Variants in SLC25A13 observed in about 807,000 individuals in gnomAD.
SLC25A13 encodes the protein electrogenic aspartate/glutamate antiporter SLC25A13, mitochondrial.
SLC25A13 carries 70 observed loss-of-function variants against 85.5 expected under a neutral mutation model. That is an observed-to-expected ratio of 0.82 (90% CI 0.68 to 1.00). SLC25A13 has a LOEUF of 1.00. Among genes scored for constraint, SLC25A13 ranks in the 50% least tolerant of loss-of-function variants. The pLI is 0.00. For missense variants in SLC25A13, 765 were observed against 819.8 expected, an observed-to-expected ratio of 0.93 and a Z score of 0.82; for synonymous variants, 259 against 288.7, an observed-to-expected ratio of 0.90 and a Z score of 1.04.
At chr7:96,219,752 T>A (rs771328450) in intron 4 of SLC25A13, 2 of 534,464 alleles carry the variant, frequency 3.7e-6, no homozygotes, top group South Asian at 2.8e-5. Flanking sequence ...ACCTCATTGA[T>A]AAGACTCCCT....
chr7:96,254,266 A>G (rs1462004095), intron 3 of SLC25A13, among the ~76,000 whole-genome samples: 2 of 152,148 alleles, frequency 1.3e-5, no homozygotes, highest in Non-Finnish European at 2.9e-5. Flanking sequence ...TCCTGAATAA[A>G]CCAAAAAGGT....
chr7:96,250,844 A>C (rs2116865856), intron 3 of SLC25A13, among the ~76,000 whole-genome samples: 1 of 152,210 alleles, frequency 6.6e-6, no homozygotes, highest in East Asian at 1.9e-4. Context: ...CATAGAGAGA[A>C]ATCTAAGAAT....
intron 14 of SLC25A13, among the ~76,000 whole-genome samples, chr7:96,139,630 G>A (rs1010475933): frequency 3.9e-5 from 6 of 152,254 alleles, no homozygotes; most frequent in South Asian, 2.1e-4. Context: ...AATTTTTGAT[G>A]TTGGTATATT....
chr7:96,144,302 C>G (rs1269698975), intron 14 of SLC25A13, among the ~76,000 whole-genome samples: 2 of 152,162 alleles, frequency 1.3e-5, no homozygotes, highest in Non-Finnish European at 2.9e-5. Context: ...GACCAAACCA[C>G]AGAGGTCAAC....
chr7:96,252,455 T>A (rs973925524), intron 3 of SLC25A13, among the ~76,000 whole-genome samples: 2 of 152,118 alleles, frequency 1.3e-5, no homozygotes, highest in African/African-American at 4.8e-5. Flanking sequence ...CATGTGACAT[T>A]TGAGGGGCCT....
At chr7:96,234,725 G>A (rs1393374469) in intron 4 of SLC25A13, 77 bp downstream of exon 4, 3 of 1,081,038 alleles carry the variant, frequency 2.8e-6, no homozygotes, top group African/African-American at 1.6e-5. Context: ...ACTTTATTTT[G>A]TTCCTAGAAA....
chr7:96,246,096 T>C (rs1433984826), intron 3 of SLC25A13, among the ~76,000 whole-genome samples: 3 of 152,172 alleles, frequency 2.0e-5, no homozygotes, highest in South Asian at 2.1e-4. Context: ...ACCAGGTACT[T>C]TGAATGCACC....
chr7:96,143,832 C>A (rs1466365933), intron 14 of SLC25A13, among the ~76,000 whole-genome samples: 1 of 152,146 alleles, frequency 6.6e-6, no homozygotes, highest in Non-Finnish European at 1.5e-5. Flanking sequence ...CAGAGCCAAC[C>A]ACTCACCCTT....
chr7:96,163,993 T>C (rs1013415478), intron 13 of SLC25A13, among the ~76,000 whole-genome samples: 57 of 152,302 alleles, frequency 3.7e-4, no homozygotes, highest in African/African-American at 1.3e-3. Flanking sequence ...TTCATACATA[T>C]TATCTCATTT....
intron 2 of SLC25A13, among the ~76,000 whole-genome samples, chr7:96,295,870 A>G (rs1404594774): frequency 6.6e-6 from 1 of 150,978 alleles, no homozygotes; most frequent in Non-Finnish European, 1.5e-5. Context: ...TTAATAATAT[A>G]TCATATATGT....
At chr7:96,258,017 TC>T (rs1366663125) in intron 3 of SLC25A13, among the ~76,000 whole-genome samples, 2 of 152,052 alleles carry the variant, frequency 1.3e-5, no homozygotes, top group Non-Finnish European at 2.9e-5. Context: ...AAATTCAACA[TC>T]CCTTCATGGT....
At chr7:96,287,678 G>A (rs890925209) in intron 2 of SLC25A13, among the ~76,000 whole-genome samples, 4 of 152,196 alleles carry the variant, frequency 2.6e-5, no homozygotes, top group African/African-American at 4.8e-5. Flanking sequence ...CAGCCTTTAA[G>A]TGGAGTCTTA....
In SLC25A13 at chr7:96,275,136, G is replaced by C. The variant is rs575873987; in HGVS notation, c.212+2060C>G. Among the ~76,000 whole-genome samples the C allele has an allele frequency of 2.0e-5, 3 of 152,272 alleles. No homozygotes were observed. The South Asian group carries it at 6.2e-4, about 32-fold the overall frequency. On this transcript the variant is annotated intron_variant, in intron 3 of 17. Coordinates refer to ENST00000265631, the MANE Select transcript of SLC25A13 (RefSeq NM_014251.3). ...CGACATTGATTCTTCCTACCCATGAGCATGGAATGTTCTTCCATTTGTTTG... is the reference window on the plus strand; with the variant it reads ...CGACATTGATTCTTCCTACCCATGACCATGGAATGTTCTTCCATTTGTTTG...
intron 2 of SLC25A13, among the ~76,000 whole-genome samples, chr7:96,281,219 C>T (rs1262952496): frequency 6.6e-6 from 1 of 151,870 alleles, no homozygotes; most frequent in Non-Finnish European, 1.5e-5. Context: ...GGTGAAACCC[C>T]GTCTGTACTA....
chr7:96,207,259 A>T (rs1795497788), intron 5 of SLC25A13, among the ~76,000 whole-genome samples: 1 of 152,218 alleles, frequency 6.6e-6, no homozygotes, highest in Non-Finnish European at 1.5e-5. Context: ...AATTATATGA[A>T]TCATAATAAT....
At chr7:96,302,546 G>C (rs1799588560) in intron 1 of SLC25A13, among the ~76,000 whole-genome samples, 1 of 152,104 alleles carries the variant, frequency 6.6e-6, no homozygotes. Flanking sequence ...GCAAAGAAAA[G>C]CAAAGCTCTC....
chr7:96,135,982 T>C (rs990058001), intron 14 of SLC25A13, among the ~76,000 whole-genome samples: 2 of 150,814 alleles, frequency 1.3e-5, no homozygotes, highest in African/African-American at 4.9e-5. Context: ...AAATGCAAAA[T>C]ACAATCATCT....
rs1445375276 is a variant in SLC25A13, at chr7:96,121,768, C to A, written c.1751-23G>T. 2 of 1,613,674 alleles carry A rather than the reference C, an allele frequency of 1.2e-6. No individual in the cohort carries two copies. The highest frequency in any genetic ancestry group is 1.7e-6 in the Non-Finnish European group (2 of 1,179,686). On this transcript the variant is annotated intron_variant, in intron 16 of 17. Transcript: ENST00000265631. ...GAGCTTTAAAAAAATGGAGAAATCACAGATATAATTAGATATTTTAAAAAT... is the reference window on the plus strand; with the variant it reads ...GAGCTTTAAAAAAATGGAGAAATCAAAGATATAATTAGATATTTTAAAAAT...
chr7:96,303,664 C>A (rs578193086), intron 1 of SLC25A13, among the ~76,000 whole-genome samples: 170 of 152,284 alleles, frequency 1.1e-3, no homozygotes, highest in Non-Finnish European at 2.2e-3. Flanking sequence ...AGTTGGGGGG[C>A]ACCTTCTGCT....
Sources: allele counts gnomAD v4.1 joint callset (sites outside exome capture counted in the v4.1 genomes callset), GRCh38; gene constraint gnomAD v4.1.1; transcripts MANE v1.5; gene names NCBI Gene and HGNC (gene_info 2026-07-23, HGNC 2026-07-21).